IAH1: variants seen among roughly 807,000 people sequenced by gnomAD.
IAH1 encodes the protein isoamyl acetate hydrolyzing esterase 1 (putative).
In IAH1, 24 loss-of-function variants were observed where a neutral mutation model predicts 26.7. The observed-to-expected ratio is 0.90, with a 90% CI of 0.65 to 1.26. The LOEUF (loss-of-function observed/expected upper bound fraction) is 1.26, where lower values mean the gene tolerates loss of function less well. Among genes scored for constraint, IAH1 ranks in the 50% most tolerant of loss-of-function variants. IAH1 has a pLI of 0.00. For synonymous variants in IAH1, 140 were observed against 118.5 expected (o/e 1.18, Z -1.18); for missense variants, 300 against 299.9 (o/e 1.00, Z 0.00).
chr2:9,481,309 C>A lies in IAH1; in HGVS notation c.307C>A (p.Pro103Thr). Residue 103 changes from proline (P) to threonine (T), a missense_variant, in exon 4 of 6, where the codon CCC becomes ACC. By Grantham distance (38) the Pro-to-Thr change is conservative (BLOSUM62 -1). Coordinates refer to ENST00000497473, the MANE Select transcript of IAH1 (RefSeq NM_001039613.3). ...AGATGAGAATCCCAAGCAGCACATT[C>A]CCCTGGAGGAGTACGCTGCGAACCT... ...LKDENPKQHI[P>T]LEEYAANLKS... The A allele has an allele frequency of 1.2e-6, 2 of 1,614,206 alleles. No homozygotes were observed. Among genetic ancestry groups the A allele is most frequent in the African/African-American group, 2.7e-5 (2 of 75,050 alleles).
downstream of IAH1, chr2:9,494,597 T>C (rs1221681141): frequency 6.2e-7 from 1 of 1,604,856 alleles, no homozygotes. Flanking sequence ...AAAAACTTCC[T>C]ATCTGGCTGT....
Position 9,488,559 on chromosome 2 carries a change from A to C in IAH1, c.*230A>C. ...AAAATATACCCTGAGCAGCTTGTTA[A>C]TTCTATAAATGACAAAGACTATGTT... On this transcript the variant is annotated 3_prime_UTR_variant, in exon 6 of 6. Coordinates refer to ENST00000497473, the MANE Select transcript of IAH1 (RefSeq NM_001039613.3). 2.8e-6 allele frequency: 1 copy of C among 358,452 alleles called. No individual in the cohort carries two copies. Among genetic ancestry groups the C allele is most frequent in the Non-Finnish European group, 4.9e-6 (1 of 202,104 alleles). 22.2% of individuals were successfully genotyped at this position (358,452 alleles called of 1,614,324 possible).
Position 9,474,831 on chromosome 2 carries a change from C to A in IAH1, c.81+184C>A. 1.9e-6 allele frequency: 1 copy of A among 527,174 alleles called. No homozygotes were observed. Among genetic ancestry groups the A allele is most frequent in the Non-Finnish European group, 3.0e-6 (1 of 336,718 alleles). 32.7% of individuals were successfully genotyped at this position (527,174 alleles called of 1,614,324 possible). The stretch of plus-strand genomic sequence containing the variant: ...GTGGCTGCGCCTTCCGGGCCCGCGG[C>A]GTCCCGGAGGTCACGACGGCGTCCG... On this transcript the variant is annotated intron_variant, in intron 1 of 5. Coordinates refer to ENST00000497473, the MANE Select transcript of IAH1 (RefSeq NM_001039613.3). This position sits in a 1 kb window ranked among gnomAD's most constrained non-coding sequence, Gnocchi z 4.3.
In IAH1 at chr2:9,476,864, C is replaced by T. The variant is rs982664248; in HGVS notation, c.134+825C>T. Among the ~76,000 whole-genome samples, 8 of 152,282 alleles carry T rather than the reference C, an allele frequency of 5.3e-5. No individual in the cohort carries two copies. The South Asian group carries it at 1.2e-3, about 24-fold the overall frequency. ...TTGCTCCAGGCCACCTGGATGTATACGTGCAGGTAACAGGTTATGACGGCT... is the reference window on the plus strand; with the variant it reads ...TTGCTCCAGGCCACCTGGATGTATATGTGCAGGTAACAGGTTATGACGGCT... On this transcript the variant is annotated intron_variant, in intron 2 of 5. Transcript: ENST00000497473.
At chr2:9,493,011 T>C (rs1405036680), downstream of IAH1, 1 of 1,568,852 alleles carries the variant, frequency 6.4e-7, no homozygotes, top group Non-Finnish European at 8.7e-7. Flanking sequence ...AAACAGTTAA[T>C]GTCTTGACCA....
In IAH1 at chr2:9,478,335, C is replaced by A. The variant is rs765408608; in HGVS notation, c.248C>A (p.Thr83Lys). Residue 83 changes from threonine (T) to lysine (K), a missense_variant, in exon 3 of 6, where the codon ACA becomes AAA. Coordinates refer to ENST00000497473, the MANE Select transcript of IAH1 (RefSeq NM_001039613.3). ...GNSLDIPVAV[T>K]IFFGANDSAL... ...AGTTTGGACATCCCAGTAGCAGTTA[C>A]AATTTTCTTTGGGGCCAATGACAGT... The A allele has an allele frequency of 2.4e-5, 38 of 1,611,020 alleles. No individual in the cohort carries two copies. The highest frequency in any genetic ancestry group is 2.9e-5 in the Non-Finnish European group (34 of 1,178,474).
intron 1 of IAH1, among the ~76,000 whole-genome samples, chr2:9,475,412 A>G (rs557363078): frequency 6.6e-6 from 1 of 152,312 alleles, no homozygotes; most frequent in South Asian, 2.1e-4. Context: ...GGTAACCAGC[A>G]AAGCAGTGAG....
At chr2:9,498,189 C>T (rs1662759202), downstream of IAH1, among the ~76,000 whole-genome samples, 1 of 151,006 alleles carries the variant, frequency 6.6e-6, no homozygotes, top group Non-Finnish European at 1.5e-5. Flanking sequence ...GCCACCATAC[C>T]TGGCTAATTT....
intron 5 of IAH1, chr2:9,487,567 CTCAAT>C (rs796503478): frequency 6.6e-6 from 1 of 152,188 alleles, no homozygotes; most frequent in African/African-American, 2.4e-5. Context: ...TTTCATGAAA[CTCAAT>C]TCTATAATAT....
At chr2:9,492,892 A>G, downstream of IAH1, 1 of 1,605,424 alleles carries the variant, frequency 6.2e-7, no homozygotes, top group East Asian at 2.2e-5. Context: ...AAAGTTGATG[A>G]CTTACCACAC....
chr2:9,476,479 T>C (rs1660800791), intron 2 of IAH1, among the ~76,000 whole-genome samples: 1 of 152,194 alleles, frequency 6.6e-6, no homozygotes, highest in African/African-American at 2.4e-5. Flanking sequence ...TGCGACAGGG[T>C]CTCTTGTTAG....
the IAH1 span, chr2:9,507,031 T>C: frequency 6.6e-6 from 1 of 152,226 alleles, no homozygotes; most frequent in Non-Finnish European, 1.5e-5. Flanking sequence ...ACATTCCTTT[T>C]CACTAATGTC....
downstream of IAH1, chr2:9,497,400 C>A: frequency 3.0e-6 from 3 of 997,360 alleles, no homozygotes; most frequent in Non-Finnish European, 4.3e-6. Flanking sequence ...CTGCATCTCA[C>A]CAGCAATCAG....
At chr2:9,478,928 G>A (rs1170460313) in intron 3 of IAH1, among the ~76,000 whole-genome samples, 7 of 152,278 alleles carry the variant, frequency 4.6e-5, no homozygotes, top group African/African-American at 4.8e-5. Context: ...GCGTGCTATC[G>A]ACGAGAAAAA....
chr2:9,493,970 C>A, downstream of IAH1: 1 of 619,330 alleles, frequency 1.6e-6, no homozygotes. Context: ...ATAACTTCCG[C>A]GTAATGAGTA....
At chr2:9,500,689 T>C (rs1447045208), downstream of IAH1, among the ~76,000 whole-genome samples, 1 of 152,186 alleles carries the variant, frequency 6.6e-6, no homozygotes, top group East Asian at 1.9e-4. Context: ...TGAATATTGC[T>C]TTTTGACAAT....
upstream of IAH1, chr2:9,474,540 C>CCCCGA (rs2124886344): frequency 2.9e-6 from 4 of 1,377,062 alleles, no homozygotes; most frequent in South Asian, 1.4e-5. This position sits in a 1 kb window ranked among gnomAD's most constrained non-coding sequence, Gnocchi z 4.3. Context: ...TGGCTGGCGG[C>CCCCGA]CCCGCCCCGC....
downstream of IAH1, chr2:9,491,138 T>C: frequency 6.2e-7 from 1 of 1,613,140 alleles, no homozygotes; most frequent in Non-Finnish European, 8.5e-7. Context: ...ATACTGTTTA[T>C]CCAATTTCTT....
At chr2:9,510,233 TCAA>T in the IAH1 span, 1 of 1,257,234 alleles carries the variant, frequency 8.0e-7, no homozygotes, top group African/African-American at 1.5e-5. Flanking sequence ...TATAATCAGA[TCAA>T]CAAGAGAATA....
Sources: allele counts gnomAD v4.1 joint callset (sites outside exome capture counted in the v4.1 genomes callset), GRCh38; gene constraint gnomAD v4.1.1; non-coding constraint Gnocchi (gnomAD v3.1); transcripts MANE v1.5; gene names NCBI Gene and HGNC (gene_info 2026-07-23, HGNC 2026-07-21).